UPK3A: variants seen among roughly 807,000 people sequenced by gnomAD.
The protein encoded by UPK3A is uroplakin 3A.
UPK3A carries 32 observed loss-of-function variants against 27.6 expected under a neutral mutation model. The ratio of observed to expected loss-of-function variants is 1.16; its 90% CI spans 0.87 to 1.55. The LOEUF (loss-of-function observed/expected upper bound fraction) is 1.55, where lower values mean the gene tolerates loss of function less well. Among genes scored for constraint, UPK3A ranks in the 40% most tolerant of loss-of-function variants. UPK3A has a pLI of 0.00. For missense variants in UPK3A, 370 were observed against 367.9 expected, an observed-to-expected ratio of 1.01 and a Z score of -0.05; for synonymous variants, 171 against 163.9, an observed-to-expected ratio of 1.04 and a Z score of -0.33.
Position 45,294,480 on chromosome 22 carries a change from G to A in UPK3A, c.705-1080G>A, listed in dbSNP as rs73890276. On this transcript the variant is annotated intron_variant, in intron 5 of 5. Coordinates refer to ENST00000216211, the MANE Select transcript of UPK3A (RefSeq NM_006953.4). ...AAATCAGAGGTGTCAGTGGAGTCCC[G>A]AGTCCCGGGTTGTAGGCCCCCAACT... is the stretch of plus-strand genomic sequence containing the variant. Among the ~76,000 whole-genome samples, 365 of 152,040 alleles carry A rather than the reference G, an allele frequency of 2.4e-3. 2 individuals are homozygous for A. The highest frequency in any genetic ancestry group is 8.4e-3 in the African/African-American group (348 of 41,408).
intron 5 of UPK3A, 142 bp downstream of exon 5, chr22:45,293,455 C>G: frequency 9.0e-7 from 1 of 1,105,582 alleles, no homozygotes; most frequent in South Asian, 1.3e-5. Context: ...CGGGTGGGGT[C>G]TGGTGAAGAG....
rs530896550 is a variant in UPK3A at position 45,292,149 on chromosome 22, G to C, written c.572-1032G>C. 7.9e-4 allele frequency among the ~76,000 whole-genome samples: 120 copies of C among 152,298 alleles called. 3 individuals are homozygous for C. Among genetic ancestry groups the C allele is most frequent in the African/African-American group, 2.6e-3 (110 of 41,546 alleles). On this transcript the variant is annotated intron_variant, in intron 4 of 5. Transcript: ENST00000216211. ...TGCGGTGTGAGCCGTTATGGACCTC[G>C]GTTTCCTCATCTGAGAAGAGGGAAG...
chr22:45,290,023 A>G (rs1028074117), intron 4 of UPK3A, among the ~76,000 whole-genome samples: 2 of 152,132 alleles, frequency 1.3e-5, no homozygotes, highest in African/African-American at 4.8e-5. Context: ...GCCAGGTAAG[A>G]TGTTTCCAAG....
chr22:45,285,086 G>A (rs949923157), intron 1 of UPK3A, 21 bp downstream of exon 1: 2 of 1,534,090 alleles, frequency 1.3e-6, no homozygotes, highest in Non-Finnish European at 1.7e-6. Flanking sequence ...AAGGGCAGGA[G>A]GGGGCTGAGC....
rs529315732 is a variant in UPK3A, at chr22:45,295,773, C to T, written c.*54C>T. On this transcript the variant is annotated 3_prime_UTR_variant, in exon 6 of 6. Transcript: ENST00000216211. ...CCTCCTCTCTGGCCTTGCCCCAGGC[C>T]CTGCAGCGGTGGTTGTCACACCCTG... 3 of 1,606,964 alleles carry T rather than the reference C, an allele frequency of 1.9e-6. No homozygotes were observed. The highest frequency in any genetic ancestry group is 2.2e-5 in the South Asian group (2 of 90,820).
intron 5 of UPK3A, 134 bp from the exon 6 acceptor site, chr22:45,295,426 G>A (rs2084188286): frequency 1.0e-6 from 1 of 996,168 alleles, no homozygotes; most frequent in Non-Finnish European, 1.6e-6. Flanking sequence ...CCAGAAAGAT[G>A]GATTGATTGA....
chr22:45,289,264 G>A (rs2084142293), intron 4 of UPK3A, 121 bp downstream of exon 4: 1 of 973,476 alleles, frequency 1.0e-6, no homozygotes, highest in Non-Finnish European at 1.6e-6. Flanking sequence ...AGGCAGTGAT[G>A]AGTAAAATGC....
At chr22:45,290,146 C>G (rs534426613) in intron 4 of UPK3A, among the ~76,000 whole-genome samples, 1 of 152,216 alleles carries the variant, frequency 6.6e-6, no homozygotes, top group Non-Finnish European at 1.5e-5. Context: ...CTGCGCTGTT[C>G]CTTGCTCAGC....
intron 2 of UPK3A, 91 bp from the exon 3 acceptor site, chr22:45,287,064 CAGCACAGAGCTGGGGCA>C (rs1208896910): frequency 6.4e-7 from 1 of 1,551,490 alleles, no homozygotes; most frequent in African/African-American, 1.4e-5. Flanking sequence ...TGCCAGTGCC[CAGCACAGAGCTGGGGCA>C]GAAAGGATGA....
rs747632129 is a variant in UPK3A at position 45,285,021 on chromosome 22, C to T, written c.8C>T (p.Pro3Leu). 1.3e-6 allele frequency: 2 copies of T among 1,532,650 alleles called. No homozygotes were observed. Among genetic ancestry groups the T allele is most frequent in the Non-Finnish European group, 1.7e-6 (2 of 1,146,270 alleles). 94.9% of individuals were successfully genotyped at this position (1,532,650 alleles called of 1,614,324 possible). ...GGCGGCTCCTCCCGGGCGATGCCTC[C>T]GCTCTGGGCCCTGCTGGCCCTCGGC... MPPLWALLALGCL... is the reference protein window; with the variant it reads MPLLWALLALGCL... The change falls in exon 1 of 6, where the codon CCG becomes CTG. Residue 3 changes from proline (P) to leucine (L), a missense_variant. Pro to Leu is a moderately conservative substitution (Grantham distance 98). Coordinates refer to ENST00000216211, the MANE Select transcript of UPK3A (RefSeq NM_006953.4).
At chr22:45,287,903 A>T (rs891263413) in intron 3 of UPK3A, among the ~76,000 whole-genome samples, 1 of 152,110 alleles carries the variant, frequency 6.6e-6, no homozygotes, top group Non-Finnish European at 1.5e-5. Flanking sequence ...ACCTCCAGTG[A>T]TCAGCCTGCT....
At chr22:45,291,080 TC>T (rs1382420388) in intron 4 of UPK3A, among the ~76,000 whole-genome samples, 1 of 152,164 alleles carries the variant, frequency 6.6e-6, no homozygotes, top group Non-Finnish European at 1.5e-5. Context: ...GCTTGAATCA[TC>T]CCGAAACCAC....
rs200941092 is a variant in UPK3A, at chr22:45,287,433, C to T, written c.470C>T (p.Ser157Leu). Residue 157 changes from serine (S) to leucine (L), a missense_variant, in exon 3 of 6, where the codon TCG (serine) becomes TTG (leucine). By Grantham distance (145) the Ser-to-Leu change is moderately radical. Coordinates refer to ENST00000216211, the MANE Select transcript of UPK3A (RefSeq NM_006953.4). ...NFQGLCNAPLSAATEYRFKYV... is the reference protein window; with the variant it reads ...NFQGLCNAPLLAATEYRFKYV... ...CAGGGCCTCTGTAACGCACCCCTGT[C>T]GGCAGCCACGGAGTACAGGTGGGTG... 19 of 1,599,708 alleles carry T rather than the reference C, an allele frequency of 1.2e-5. No homozygotes were observed. Among genetic ancestry groups the T allele is most frequent in the East Asian group, 1.1e-4 (5 of 44,352 alleles).
At chr22:45,286,816 T>G (rs1048659598) in intron 2 of UPK3A, among the ~76,000 whole-genome samples, 4 of 152,184 alleles carry the variant, frequency 2.6e-5, no homozygotes, top group African/African-American at 9.7e-5. Flanking sequence ...GGAGGAGAGC[T>G]GGGTCCTGCC....
At position 45,295,757 on chromosome 22, in the gene UPK3A, TG is replaced by T; in HGVS notation, c.*40del. ...CCCTGGGCAGCAGCATCCTCCTCTC[TG>T]GCCTTGCCCCAGGCCCTGCAGCGGT... On this transcript the variant is annotated 3_prime_UTR_variant, in exon 6 of 6. Transcript: ENST00000216211. 1 of 1,611,742 alleles carries T rather than the reference TG, an allele frequency of 6.2e-7. No individual in the cohort carries two copies. The highest frequency in any genetic ancestry group is 8.5e-7 in the Non-Finnish European group (1 of 1,179,528).
chr22:45,290,384 C>G (rs2084152000), intron 4 of UPK3A, among the ~76,000 whole-genome samples: 1 of 152,150 alleles, frequency 6.6e-6, no homozygotes. Flanking sequence ...GTGGGGGGCT[C>G]TGAAAGGTTG....
intron 3 of UPK3A, 69 bp from the exon 4 acceptor site, chr22:45,288,992 C>A: frequency 6.6e-7 from 1 of 1,523,778 alleles, no homozygotes; most frequent in Non-Finnish European, 9.1e-7. Context: ...TCCTACATCC[C>A]CCCACCGCCT....
rs778895231 is a variant in UPK3A at position 45,287,425 on chromosome 22, AC to A, written c.466del (p.Leu156CysfsTer21). On this transcript the variant is annotated frameshift_variant, in exon 3 of 6. Coordinates refer to ENST00000216211, the MANE Select transcript of UPK3A (RefSeq NM_006953.4). LOFTEE classifies it high-confidence loss of function. ...CCAACTTCCAGGGCCTCTGTAACGCACCCCTGTCGGCAGCCACGGAGTACAG... is the reference window on the plus strand; with the variant it reads ...CCAACTTCCAGGGCCTCTGTAACGCACCCTGTCGGCAGCCACGGAGTACAG... ...DPNFQGLCNA[P>X]LSAATEYRFK... 562 of 1,601,178 alleles carry A rather than the reference AC, an allele frequency of 3.5e-4. No homozygotes were observed. Among genetic ancestry groups the A allele is most frequent in the Non-Finnish European group, 4.4e-4 (522 of 1,174,466 alleles).
Position 45,288,411 on chromosome 22 carries a change from A to G in UPK3A, c.489-650A>G, listed in dbSNP as rs1013624206. On this transcript the variant is annotated intron_variant, in intron 3 of 5. Transcript: ENST00000216211. ...GACGGGGTTTCACTGTGTCAGCCAG[A>G]ATGGTCTCGATCTCCTGACCTCATG... Among the ~76,000 whole-genome samples the G allele has an allele frequency of 2.0e-5, 3 of 152,012 alleles. No individual in the cohort carries two copies. The South Asian group carries it at 6.2e-4, about 32-fold the overall frequency.
Sources: allele counts gnomAD v4.1 joint callset (sites outside exome capture counted in the v4.1 genomes callset), GRCh38; gene constraint gnomAD v4.1.1; transcripts MANE v1.5; gene names NCBI Gene and HGNC (gene_info 2026-07-23, HGNC 2026-07-21).